Variants in ARSB observed in about 807,000 individuals in gnomAD.
The protein encoded by ARSB is arylsulfatase B, also known as N-acetylgalactosamine-4-sulfatase.
A neutral mutation model predicts 50.9 loss-of-function variants in ARSB; 41 were observed. The ratio of observed to expected loss-of-function variants is 0.81; its 90% CI spans 0.63 to 1.04. ARSB has a LOEUF of 1.04. ARSB is among the 50% of genes least tolerant of loss of function. The pLI is 0.00. For missense variants in ARSB, 672 were observed against 693.3 expected, an observed-to-expected ratio of 0.97 and a Z score of 0.35; for synonymous variants, 269 against 284.8, an observed-to-expected ratio of 0.94 and a Z score of 0.56.
Position 78,959,960 on chromosome 5 carries a change from G to C in ARSB, c.690+4456C>G, listed in dbSNP as rs115165864. Among the ~76,000 whole-genome samples the C allele has an allele frequency of 1.1e-3, 164 of 152,282 alleles. 2 individuals carry two copies. The highest frequency in any genetic ancestry group is 3.8e-3 in the African/African-American group (159 of 41,544). On this transcript the variant is annotated intron_variant, in intron 3 of 7. Coordinates refer to ENST00000264914, the MANE Select transcript of ARSB (RefSeq NM_000046.5). ...TCAATTTTCCCACTCCTGCCAACCA[G>C]AGCTCGGCTCACTGTCAGCCTAAAG...
intron 6 of ARSB, among the ~76,000 whole-genome samples, chr5:78,798,503 C>T (rs1363171865): frequency 6.6e-6 from 1 of 152,100 alleles, no homozygotes; most frequent in Non-Finnish European, 1.5e-5. Flanking sequence ...GAAAGACCCC[C>T]CCGCCCCCTA....
intron 1 of ARSB, among the ~76,000 whole-genome samples, chr5:78,979,857 A>G (rs1752823517): frequency 6.6e-6 from 1 of 152,226 alleles, no homozygotes; most frequent in Admixed American, 6.5e-5. Context: ...GGATGTTCAC[A>G]GCAGCATTAT....
intron 3 of ARSB, among the ~76,000 whole-genome samples, chr5:78,962,731 A>AT (rs1329214211): frequency 2.0e-5 from 3 of 151,752 alleles, no homozygotes; most frequent in Non-Finnish European, 2.9e-5. Context: ...GGTTTCTATT[A>AT]TTTTTTAATG....
In ARSB at chr5:78,780,279, T is replaced by C; in HGVS notation, c.*118A>G. ...TTGAAATTAGACACCTCGGTGTGGT[T>C]TAAGAGCAAGAGAAGGGCCAAGTGA... On this transcript the variant is annotated 3_prime_UTR_variant, in exon 8 of 8. Coordinates refer to ENST00000264914, the MANE Select transcript of ARSB (RefSeq NM_000046.5). 1 of 1,417,584 alleles carries C rather than the reference T, an allele frequency of 7.1e-7. No homozygotes were observed. The highest frequency in any genetic ancestry group is 2.3e-5 in the East Asian group (1 of 43,580). 87.8% of individuals were successfully genotyped at this position (1,417,584 alleles called of 1,614,324 possible).
chr5:78,805,838 C>T (rs985050039), intron 6 of ARSB, among the ~76,000 whole-genome samples: 7 of 152,152 alleles, frequency 4.6e-5, no homozygotes, highest in African/African-American at 7.2e-5. Context: ...GTCGCGGTGC[C>T]GAACCCCAGG....
chr5:78,797,378 A>T (rs1318023444), intron 6 of ARSB, among the ~76,000 whole-genome samples: 1 of 152,184 alleles, frequency 6.6e-6, no homozygotes, highest in African/African-American at 2.4e-5. Flanking sequence ...TCTAGACTCC[A>T]GAATCTTATC....
chr5:78,952,669 A>G (rs948479991), intron 4 of ARSB, among the ~76,000 whole-genome samples: 3 of 152,212 alleles, frequency 2.0e-5, no homozygotes, highest in Non-Finnish European at 4.4e-5. Flanking sequence ...TGTTATCACA[A>G]GAGCCACTTA....
At chr5:78,800,336 A>C (rs11959213) in intron 6 of ARSB, among the ~76,000 whole-genome samples, 17 of 143,796 alleles carry the variant, frequency 1.2e-4, no homozygotes, top group African/African-American at 2.7e-4. Flanking sequence ...AAAAAAAAAA[A>C]AGCAGCAGCA....
intron 2 of ARSB, among the ~76,000 whole-genome samples, chr5:78,968,145 A>G (rs1014080610): frequency 2.0e-5 from 3 of 151,752 alleles, no homozygotes; most frequent in African/African-American, 7.2e-5. Flanking sequence ...TGTTTTTTAA[A>G]ACCTATCTTC....
intron 4 of ARSB, among the ~76,000 whole-genome samples, chr5:78,912,798 G>A (rs1376581280): frequency 6.6e-6 from 1 of 152,112 alleles, no homozygotes; most frequent in Non-Finnish European, 1.5e-5. Context: ...TTCCTCTTGG[G>A]ATCAATTCAC....
At position 78,881,918 on chromosome 5, in the gene ARSB, T is replaced by C. The variant is rs557979283; in HGVS notation, c.1142+3666A>G. On this transcript the variant is annotated intron_variant, in intron 5 of 7. Transcript: ENST00000264914. ...CCTTTAGAATGAAGACCCAAAGATATAGAGGAAATCGTTCATTTTTATGTA... is the reference window on the plus strand; with the variant it reads ...CCTTTAGAATGAAGACCCAAAGATACAGAGGAAATCGTTCATTTTTATGTA... Among the ~76,000 whole-genome samples, 136 of 152,330 alleles carry C rather than the reference T, an allele frequency of 8.9e-4. 1 individual carries two copies. In the South Asian group the frequency reaches 0.027, roughly 30 times the overall value.
At chr5:78,805,953 T>C (rs1355607135) in intron 6 of ARSB, among the ~76,000 whole-genome samples, 3 of 152,250 alleles carry the variant, frequency 2.0e-5, no homozygotes, top group African/African-American at 7.2e-5. Flanking sequence ...TGTTGCTTTC[T>C]AGCTGTGCGG....
intron 4 of ARSB, among the ~76,000 whole-genome samples, chr5:78,918,260 A>G (rs1749647462): frequency 6.6e-6 from 1 of 152,236 alleles, no homozygotes; most frequent in Admixed American, 6.5e-5. Context: ...CAGAAGCTTT[A>G]GGAAGGCAAC....
At chr5:78,805,276 A>C (rs1027171931) in intron 6 of ARSB, among the ~76,000 whole-genome samples, 1 of 152,212 alleles carries the variant, frequency 6.6e-6, no homozygotes. Flanking sequence ...ATCTGTATGG[A>C]GAATCTGCCA....
intron 6 of ARSB, among the ~76,000 whole-genome samples, chr5:78,834,870 C>T (rs1028487375): frequency 6.6e-6 from 1 of 151,592 alleles, no homozygotes; most frequent in Non-Finnish European, 1.5e-5. Context: ...ATGTTATTGT[C>T]CATAGAGGCT....
chr5:78,895,112 G>T (rs1438277678), intron 4 of ARSB, among the ~76,000 whole-genome samples: 1 of 152,212 alleles, frequency 6.6e-6, no homozygotes, highest in Non-Finnish European at 1.5e-5. Flanking sequence ...CGAAGTCCAT[G>T]CAATTAGAGA....
At chr5:78,872,379 T>C (rs373498745) in intron 5 of ARSB, among the ~76,000 whole-genome samples, 10,103 of 130,686 alleles carry the variant, frequency 0.077, 349 homozygotes, top group Middle Eastern at 0.11. Flanking sequence ...ATGTTTATTG[T>C]GGCATTATTC....
In ARSB at chr5:78,780,544, A is replaced by G; in HGVS notation, c.1455T>C (p.His485=). Residue 485 remains histidine (H), a synonymous_variant, in exon 8 of 8, where the codon CAT becomes CAC. Transcript: ENST00000264914. The part of the protein sequence containing the change: ...FDIDRDPEER[H]DLSREYPHIV... ...TGTGAGGATATTCTCTGGACAGGTC[A>G]TGTCTTTCTTCAGGGTCCCGATCAA... 6.2e-7 allele frequency: 1 copy of G among 1,614,114 alleles called. No individual in the cohort carries two copies. Among genetic ancestry groups the G allele is most frequent in the Non-Finnish European group, 8.5e-7 (1 of 1,180,006 alleles).
chr5:78,875,491 G>A (rs1007563463), intron 5 of ARSB, among the ~76,000 whole-genome samples: 4 of 151,856 alleles, frequency 2.6e-5, no homozygotes, highest in African/African-American at 9.7e-5. Context: ...TTAGTTTATT[G>A]TCTACTGGTG....
Sources: allele counts gnomAD v4.1 joint callset (sites outside exome capture counted in the v4.1 genomes callset), GRCh38; gene constraint gnomAD v4.1.1; transcripts MANE v1.5; gene names NCBI Gene and HGNC (gene_info 2026-07-23, HGNC 2026-07-21).